Variants in PTPRT observed in about 807,000 individuals in gnomAD.
PTPRT encodes the protein protein tyrosine phosphatase receptor type T.
A neutral mutation model predicts 176.8 loss-of-function variants in PTPRT; 56 were observed. The ratio of observed to expected loss-of-function variants is 0.32; its 90% CI spans 0.26 to 0.40. PTPRT has a LOEUF of 0.40. Ranked by LOEUF, PTPRT falls within the 10% of genes least tolerant of loss-of-function variation. The pLI is 1.00. For synonymous variants in PTPRT, 783 were observed against 739.0 expected (o/e 1.06, Z -0.96); for missense variants, 1,540 against 1,908.2 (o/e 0.81, Z 3.60).
chr20:42,736,194 G>A (rs2076537449), intron 6 of PTPRT, among the ~76,000 whole-genome samples: 1 of 152,158 alleles, frequency 6.6e-6, no homozygotes, highest in African/African-American at 2.4e-5. Context: ...AAAGTTTCAG[G>A]TAAGACTTCC....
At chr20:42,879,733 ATGTGTGTGTGTGTG>A (rs11468460) in intron 2 of PTPRT, among the ~76,000 whole-genome samples, 4 of 148,980 alleles carry the variant, frequency 2.7e-5, no homozygotes, top group African/African-American at 9.9e-5. Context: ...GTTGGGTGAA[ATGTGTGTGTGTGTG>A]TGTGTGTGTG....
At chr20:42,891,227 T>C (rs114977415) in intron 1 of PTPRT, among the ~76,000 whole-genome samples, 1,757 of 152,298 alleles carry the variant, frequency 0.012, 25 homozygotes, top group Middle Eastern at 0.051. Flanking sequence ...ACAATCATTT[T>C]TGGGAGGAAG....
At chr20:42,382,735 T>C (rs2058708910) in intron 9 of PTPRT, among the ~76,000 whole-genome samples, 1 of 152,110 alleles carries the variant, frequency 6.6e-6, no homozygotes, top group South Asian at 2.1e-4. Flanking sequence ...GAGCATGCTG[T>C]CATGGCATGG....
At chr20:42,712,117 G>C (rs1472418826) in intron 6 of PTPRT, among the ~76,000 whole-genome samples, 1 of 152,130 alleles carries the variant, frequency 6.6e-6, no homozygotes, top group Admixed American at 6.5e-5. Flanking sequence ...GAGATGCCAA[G>C]CATGAGGGCA....
At chr20:42,972,595 G>A (rs938993519) in intron 1 of PTPRT, among the ~76,000 whole-genome samples, 1 of 150,786 alleles carries the variant, frequency 6.6e-6, no homozygotes, top group Non-Finnish European at 1.5e-5. Context: ...CCCAGCAGGC[G>A]GAGGTTGCAG....
intron 1 of PTPRT, among the ~76,000 whole-genome samples, chr20:43,074,845 C>T (rs982433818): frequency 2.0e-5 from 3 of 152,206 alleles, no homozygotes; most frequent in African/African-American, 4.8e-5. Context: ...GGAAGGATAT[C>T]GATCTTCCTT....
chr20:43,050,676 C>T (rs1034165365), intron 1 of PTPRT, among the ~76,000 whole-genome samples: 2 of 152,232 alleles, frequency 1.3e-5, no homozygotes, highest in Admixed American at 6.5e-5. Context: ...CTCTGAGCCT[C>T]ATCTGAAACA....
intron 7 of PTPRT, among the ~76,000 whole-genome samples, chr20:42,637,158 T>A (rs2074621528): frequency 6.6e-6 from 1 of 152,104 alleles, no homozygotes; most frequent in Non-Finnish European, 1.5e-5. Flanking sequence ...GACCTAATAA[T>A]TTGCATTTTC....
At chr20:42,397,503 T>C (rs2058863328) in intron 9 of PTPRT, among the ~76,000 whole-genome samples, 1 of 152,204 alleles carries the variant, frequency 6.6e-6, no homozygotes, top group African/African-American at 2.4e-5. Flanking sequence ...TTCCCATCTT[T>C]ATGTCCATGT....
intron 7 of PTPRT, among the ~76,000 whole-genome samples, chr20:42,641,321 A>G (rs1569046053): frequency 6.6e-6 from 1 of 152,172 alleles, no homozygotes; most frequent in Non-Finnish European, 1.5e-5. Context: ...ATGAACTGAT[A>G]AAGTGTGCAC....
chr20:42,412,772 T>C (rs1195365670), intron 9 of PTPRT, among the ~76,000 whole-genome samples: 1 of 152,106 alleles, frequency 6.6e-6, no homozygotes, highest in Non-Finnish European at 1.5e-5. Context: ...GCAAGATGCC[T>C]CATGAAGGAA....
chr20:42,416,688 G>A (rs2059069519), intron 9 of PTPRT, among the ~76,000 whole-genome samples: 1 of 152,204 alleles, frequency 6.6e-6, no homozygotes, highest in South Asian at 2.1e-4. Flanking sequence ...ATCTGTATTA[G>A]AGTAACAGTG....
At chr20:42,054,037 A>G in the PTPRT span, among the ~76,000 whole-genome samples, 2 of 152,190 alleles carry the variant, frequency 1.3e-5, no homozygotes, top group Non-Finnish European at 2.9e-5. Flanking sequence ...GAAGGTCACT[A>G]GAACATCCAG....
intron 2 of PTPRT, among the ~76,000 whole-genome samples, chr20:42,810,526 A>G (rs1252436720): frequency 6.6e-6 from 1 of 152,168 alleles, no homozygotes; most frequent in Admixed American, 6.5e-5. Context: ...CGTAACACAA[A>G]GCTCAGTTTG....
rs376045128 is a variant in PTPRT at position 42,467,734 on chromosome 20, A to G, written c.1450+4532T>C. ...ATGTCACCTATCATGTAGATATAAG[A>G]TACACACACATGAGTAAATGCAGCA... On this transcript the variant is annotated intron_variant, in intron 8 of 30. Coordinates refer to ENST00000373187, the MANE Select transcript of PTPRT (RefSeq NM_007050.6). Among the ~76,000 whole-genome samples the G allele has an allele frequency of 2.0e-5, 3 of 152,346 alleles. No homozygotes were observed. In the East Asian group the frequency reaches 5.8e-4, roughly 29 times the overall value.
At chr20:42,305,723 T>G (rs1041305100) in intron 12 of PTPRT, among the ~76,000 whole-genome samples, 2 of 152,194 alleles carry the variant, frequency 1.3e-5, no homozygotes, top group Non-Finnish European at 2.9e-5. Flanking sequence ...AAGGTCCTAG[T>G]GAGCTTGAAG....
At chr20:42,538,791 C>G (rs543799808) in intron 7 of PTPRT, among the ~76,000 whole-genome samples, 92 of 152,260 alleles carry the variant, frequency 6.0e-4, no homozygotes, top group Non-Finnish European at 1.3e-3. Flanking sequence ...TCTGCCACTT[C>G]CAGTCCAGCT....
At chr20:42,716,348 C>G (rs566245001) in intron 6 of PTPRT, among the ~76,000 whole-genome samples, 3 of 152,288 alleles carry the variant, frequency 2.0e-5, no homozygotes, top group African/African-American at 7.2e-5. Flanking sequence ...CATGGTTGAA[C>G]TAGTTTACAG....
At chr20:42,854,990 C>T (rs969202470) in intron 2 of PTPRT, among the ~76,000 whole-genome samples, 1 of 152,200 alleles carries the variant, frequency 6.6e-6, no homozygotes, top group Non-Finnish European at 1.5e-5. Context: ...TTTACATGAA[C>T]ATTTGGGAGC....
Sources: allele counts gnomAD v4.1 joint callset (sites outside exome capture counted in the v4.1 genomes callset), GRCh38; gene constraint gnomAD v4.1.1; transcripts MANE v1.5; gene names NCBI Gene and HGNC (gene_info 2026-07-23, HGNC 2026-07-21).